The following ABCC2 variants were observed in gnomAD, a reference collection of about 807,000 sequenced individuals.
The protein encoded by ABCC2 is ATP binding cassette subfamily C member 2.
In ABCC2, 157 loss-of-function variants were observed where a neutral mutation model predicts 173.4. The observed-to-expected ratio is 0.91, with a 90% CI of 0.80 to 1.03. The LOEUF (loss-of-function observed/expected upper bound fraction) is 1.03, where lower values mean the gene tolerates loss of function less well. Among genes scored for constraint, ABCC2 ranks in the 50% least tolerant of loss-of-function variants. ABCC2 has a pLI of 0.00. For synonymous variants in ABCC2, 657 were observed against 693.5 expected (o/e 0.95, Z 0.83); for missense variants, 1,822 against 1,852.3 (o/e 0.98, Z 0.30).
chr10:99,847,167 G>A (rs186115232), intron 30 of ABCC2, 40 bp downstream of exon 30: 30 of 1,610,428 alleles, frequency 1.9e-5, no homozygotes, highest in Admixed American at 1.3e-4. Context: ...GGCAATGAGA[G>A]GATGTGAGGG....
chr10:99,851,243 A>G (rs994519703), intron 31 of ABCC2, among the ~76,000 whole-genome samples: 2 of 152,234 alleles, frequency 1.3e-5, no homozygotes, highest in South Asian at 2.1e-4. Context: ...AAACCAATCT[A>G]TCCTTAAACA....
intron 29 of ABCC2, 72 bp from the exon 30 acceptor site, chr10:99,846,889 C>A (rs920533077): frequency 5.0e-6 from 8 of 1,587,874 alleles, no homozygotes; most frequent in Non-Finnish European, 6.1e-6. Flanking sequence ...TCCACCATCT[C>A]CCAGTCCTGA....
At chr10:99,813,199 T>G (rs2038247466) in intron 16 of ABCC2, 55 bp downstream of exon 16, 1 of 1,597,024 alleles carries the variant, frequency 6.3e-7, no homozygotes, top group African/African-American at 1.3e-5. Flanking sequence ...AGCAGCTTCG[T>G]GCTTTTGCCT....
At chr10:99,799,431 A>G (rs959203054) in intron 8 of ABCC2, 61 bp downstream of exon 8, 85 of 1,546,426 alleles carry the variant, frequency 5.5e-5, no homozygotes, top group Non-Finnish European at 7.5e-5. Flanking sequence ...CCTTTTTGCC[A>G]CTGTGTATGC....
At position 99,811,608 on chromosome 10, in the gene ABCC2, T is replaced by C. The variant is rs957977719; in HGVS notation, c.1967+6T>C. The stretch of plus-strand genomic sequence containing the variant: ...TCGGAAGCCACAGTCCGAGAGTGAG[T>C]TGCCTTCTTTCCATCCTAATGTTCT... On this transcript the variant is annotated splice_donor_region_variant and intron_variant, in intron 15 of 31. Coordinates refer to ENST00000647814, the MANE Select transcript of ABCC2 (RefSeq NM_000392.5). 1 of 1,614,004 alleles carries C rather than the reference T, an allele frequency of 6.2e-7. No individual in the cohort carries two copies. Among genetic ancestry groups the C allele is most frequent in the Non-Finnish European group, 8.5e-7 (1 of 1,179,950 alleles).
chr10:99,847,149 C>A (rs1378313980), intron 30 of ABCC2, 22 bp downstream of exon 30: 1 of 1,613,202 alleles, frequency 6.2e-7, no homozygotes, highest in African/African-American at 1.3e-5. Flanking sequence ...TAGCCTGCTA[C>A]CCCTGCAGGC....
At position 99,814,242 on chromosome 10, in the gene ABCC2, CACACACGTATGTAT is replaced by C. The variant is rs1248782494; in HGVS notation, c.2094+1133_2094+1146del. Among the ~76,000 whole-genome samples, 174 of 60,466 alleles carry C rather than the reference CACACACGTATGTAT, an allele frequency of 2.9e-3. 35 individuals are homozygous for C. The highest frequency in any genetic ancestry group is 6.6e-3 in the East Asian group (10 of 1,516). 39.7% of individuals were successfully genotyped at this position (60,466 alleles called of 152,430 possible). A position where few individuals can be genotyped will look rare whatever the true frequency, so the allele number is the denominator to read the frequency against. Reference sequence around the variant, plus strand: ...ATATATACACACATGTGTATATATGCACACACGTATGTATACACACGTATGTATACACACGTATG... The same window carrying C: ...ATATATACACACATGTGTATATATGCACACACGTATGTATACACACGTATG... On this transcript the variant is annotated intron_variant, in intron 16 of 31. Coordinates refer to ENST00000647814, the MANE Select transcript of ABCC2 (RefSeq NM_000392.5).
In ABCC2 at chr10:99,819,101, G is replaced by T. The variant is rs747872854; in HGVS notation, c.2452G>T (p.Val818Phe). 4 of 1,613,994 alleles carry T rather than the reference G, an allele frequency of 2.5e-6. No homozygotes were observed. Among genetic ancestry groups the T allele is most frequent in the Non-Finnish European group, 3.4e-6 (4 of 1,180,018 alleles). ...GLLKGKTRLL[V>F]THSMHFLPQV... is the part of the protein sequence containing the mutation. ...ATTATTTTTATAGACTCGACTCTTG[G>T]TTACACATAGCATGCACTTTCTTCC... Residue 818 changes from valine (V) to phenylalanine (F), a missense_variant, in exon 19 of 32, where the codon GTT (valine) becomes TTT (phenylalanine). Val to Phe is a conservative substitution (Grantham distance 50). Transcript: ENST00000647814.
intron 28 of ABCC2, 104 bp from the exon 29 acceptor site, chr10:99,845,520 C>A: frequency 7.2e-7 from 1 of 1,391,720 alleles, no homozygotes; most frequent in South Asian, 1.2e-5. Flanking sequence ...GATGGAGTAG[C>A]CAGTCACTGC....
At chr10:99,831,391 C>A (rs536610161) in intron 21 of ABCC2, among the ~76,000 whole-genome samples, 3 of 152,232 alleles carry the variant, frequency 2.0e-5, no homozygotes, top group East Asian at 3.9e-4. Flanking sequence ...CTCTTAAATG[C>A]CTTTAGCTTT....
chr10:99,842,225 C>T, intron 26 of ABCC2, 132 bp downstream of exon 26: 1 of 1,301,156 alleles, frequency 7.7e-7, no homozygotes, highest in Non-Finnish European at 1.1e-6. Context: ...GAGGTTCAAA[C>T]CCTGGCTCCA....
chr10:99,795,515 A>G (rs1400187737), intron 6 of ABCC2, among the ~76,000 whole-genome samples: 1 of 151,890 alleles, frequency 6.6e-6, no homozygotes, highest in Non-Finnish European at 1.5e-5. Flanking sequence ...CCTGGCCAAC[A>G]TGGTGAAACC....
chr10:99,814,462 C>T (rs201450211), intron 16 of ABCC2, among the ~76,000 whole-genome samples: 17,333 of 36,792 alleles, frequency 0.47, 6,747 homozygotes, highest in African/African-American at 0.66. Flanking sequence ...TATATACATA[C>T]ACACATATGT....
intron 14 of ABCC2, among the ~76,000 whole-genome samples, chr10:99,810,534 C>T (rs997110144): frequency 1.3e-5 from 2 of 152,148 alleles, no homozygotes; most frequent in Non-Finnish European, 2.9e-5. Context: ...TGAAAGAATA[C>T]TCAGATTCTG....
chr10:99,823,426 G>T (rs2133092248), intron 19 of ABCC2, among the ~76,000 whole-genome samples: 1 of 152,066 alleles, frequency 6.6e-6, no homozygotes, highest in South Asian at 2.1e-4. Context: ...TTGAATAGCT[G>T]GTTTAACTGA....
At chr10:99,850,525 C>T (rs911505437) in intron 30 of ABCC2, 77 bp from the exon 31 acceptor site, 2 of 1,440,876 alleles carry the variant, frequency 1.4e-6, no homozygotes, top group Middle Eastern at 2.3e-4. Context: ...TGATCTGGAA[C>T]ATGAAAATGG....
chr10:99,783,355 A>G (rs1449721917), intron 1 of ABCC2, among the ~76,000 whole-genome samples: 2 of 152,210 alleles, frequency 1.3e-5, no homozygotes, highest in Non-Finnish European at 2.9e-5. Context: ...CATTGAAATA[A>G]TTTTTGAACA....
rs749582129 is a variant in ABCC2, at chr10:99,850,641, G to C, written c.4353G>C (p.Leu1451=). ...AGCTGCTGTGCCTGGGCAGGGCTCT[G>C]CTTCGGAAATCCAAGATCCTGGTCC... ...QRQLLCLGRA[L]LRKSKILVLD... is the part of the protein sequence containing the mutation. Residue 1451 remains leucine, a synonymous_variant, in exon 31 of 32, where the codon CTG becomes CTC. Transcript: ENST00000647814. 2 of 1,614,238 alleles carry C rather than the reference G, an allele frequency of 1.2e-6. No homozygotes were observed. The highest frequency in any genetic ancestry group is 1.7e-6 in the Non-Finnish European group (2 of 1,180,048).
Position 99,819,074 on chromosome 10 carries a change from ATAT to A in ABCC2, c.2440-10_2440-8del, listed in dbSNP as rs1256312326. 1.2e-6 allele frequency: 2 copies of A among 1,614,028 alleles called. No homozygotes were observed. Among genetic ancestry groups the A allele is most frequent in the Non-Finnish European group, 1.7e-6 (2 of 1,179,888 alleles). ...GACATATGGTAATCAACACAACTTC[ATAT>A]TATTTTTATAGACTCGACTCTTGGT... On this transcript the variant is annotated splice_polypyrimidine_tract_variant and intron_variant, in intron 18 of 31. Coordinates refer to ENST00000647814, the MANE Select transcript of ABCC2 (RefSeq NM_000392.5).
Sources: gnomAD v4.1 joint callset for allele counts (sites outside exome capture counted in the v4.1 genomes callset) on GRCh38, gnomAD v4.1.1 for gene constraint, MANE v1.5 for transcripts, NCBI Gene and HGNC (gene_info 2026-07-23, HGNC 2026-07-21) for gene names.